The following CCDC171 variants were observed in gnomAD, a reference collection of about 807,000 sequenced individuals.
CCDC171 encodes coiled-coil domain containing 171, also known as coiled-coil domain-containing protein 171.
CCDC171 carries 177 observed loss-of-function variants against 168.2 expected under a neutral mutation model. That is an observed-to-expected ratio of 1.05 (90% confidence interval 0.93 to 1.19). The LOEUF is 1.19. Among genes scored for constraint, CCDC171 ranks in the 50% most tolerant of loss-of-function variants. The probability of loss-of-function intolerance (pLI) is 0.00; values close to 1 mark genes in which losing one functional copy is unlikely to be tolerated. For missense variants in CCDC171, 1,991 were observed against 1,539.0 expected, an observed-to-expected ratio of 1.29 and a Z score of -4.91; for synonymous variants, 687 against 540.8, an observed-to-expected ratio of 1.27 and a Z score of -3.75.
intron 1 of CCDC171, among the ~76,000 whole-genome samples, chr9:16,044,187 G>A (rs1833616764): frequency 6.6e-6 from 1 of 152,174 alleles, no homozygotes; most frequent in African/African-American, 2.4e-5. Context: ...GAGGCTGGGG[G>A]TGGTAGTGAA....
upstream of CCDC171, among the ~76,000 whole-genome samples, chr9:16,042,320 T>A (rs1477647988): frequency 6.6e-6 from 1 of 152,136 alleles, no homozygotes; most frequent in East Asian, 1.9e-4. Context: ...GAGAAAGCCC[T>A]TATGAAGAGG....
intron 24 of CCDC171, among the ~76,000 whole-genome samples, chr9:15,896,019 T>G (rs950891047): frequency 2.0e-5 from 3 of 152,058 alleles, no homozygotes; most frequent in Admixed American, 6.6e-5. Context: ...TCTCATTCTC[T>G]GATTATTTTG....
At chr9:15,575,338 T>TC (rs1268218865) in intron 3 of CCDC171, among the ~76,000 whole-genome samples, 4 of 152,026 alleles carry the variant, frequency 2.6e-5, no homozygotes, top group Admixed American at 2.6e-4. Flanking sequence ...CATGCTTGGC[T>TC]AATTTTTTGT....
the CCDC171 span, among the ~76,000 whole-genome samples, chr9:16,093,137 T>C: frequency 1.3e-5 from 2 of 152,208 alleles, no homozygotes; most frequent in Non-Finnish European, 2.9e-5. Context: ...ATATAGCCAT[T>C]TTCTCGTCTC....
At chr9:15,920,881 A>T (rs942915967) in intron 25 of CCDC171, among the ~76,000 whole-genome samples, 3 of 151,672 alleles carry the variant, frequency 2.0e-5, no homozygotes, top group African/African-American at 7.2e-5. Context: ...TGATTCATCT[A>T]TATGATTAAA....
At chr9:15,596,527 A>G (rs1375753377) in intron 6 of CCDC171, among the ~76,000 whole-genome samples, 1 of 152,108 alleles carries the variant, frequency 6.6e-6, no homozygotes, top group Non-Finnish European at 1.5e-5. Context: ...TACCAGTACC[A>G]TGCTGTTTTG....
intron 6 of CCDC171, among the ~76,000 whole-genome samples, chr9:16,027,752 C>T (rs573422897): frequency 9.2e-5 from 14 of 152,206 alleles, no homozygotes; most frequent in East Asian, 1.9e-4. Context: ...CAGTCAAGGG[C>T]GAACAGGGAC....
intron 6 of CCDC171, among the ~76,000 whole-genome samples, chr9:15,615,582 A>T (rs1038743648): frequency 6.6e-6 from 1 of 152,214 alleles, no homozygotes; most frequent in Non-Finnish European, 1.5e-5. Flanking sequence ...GCAGTAATAT[A>T]GTAATATATC....
At chr9:15,589,147 A>G (rs532614456) in intron 4 of CCDC171, among the ~76,000 whole-genome samples, 1 of 151,884 alleles carries the variant, frequency 6.6e-6, no homozygotes, top group Non-Finnish European at 1.5e-5. Context: ...GTTTTGAGAG[A>G]CTTCTTCTTG....
intron 11 of CCDC171, among the ~76,000 whole-genome samples, chr9:15,700,375 C>G (rs1031766393): frequency 7.9e-5 from 12 of 152,254 alleles, no homozygotes; most frequent in African/African-American, 2.4e-4. Context: ...GGAACTCCAG[C>G]TGGCCTGCAA....
chr9:16,014,557 T>C (rs1832960799), intron 3 of CCDC171, among the ~76,000 whole-genome samples: 1 of 152,184 alleles, frequency 6.6e-6, no homozygotes, highest in Admixed American at 6.5e-5. Context: ...ATCAGGGGAA[T>C]CACCATCTAT....
rs1323970080 is a variant in CCDC171 at position 15,744,655 on chromosome 9, C to T, written c.2432C>T (p.Ala811Val). 2 of 1,614,020 alleles carry T rather than the reference C, an allele frequency of 1.2e-6. No homozygotes were observed. The highest frequency in any genetic ancestry group is 2.2e-5 in the South Asian group (2 of 91,086). Residue 811 changes from alanine to valine, a missense_variant, in exon 17 of 26, where the codon GCA becomes GTA. Physicochemically the swap from Ala to Val is moderately conservative, Grantham distance 64 (BLOSUM62 0). Coordinates refer to ENST00000380701, the MANE Select transcript of CCDC171 (RefSeq NM_173550.4). Reference protein sequence around the residue: ...FRKGVIAVLAANRLKILGQSC... With the variant: ...FRKGVIAVLAVNRLKILGQSC... ...AAAGGTGTTATTGCTGTTTTGGCAG[C>T]AAACAGACTCAAGATTTTGGGCCAA...
intron 25 of CCDC171, among the ~76,000 whole-genome samples, chr9:15,940,066 C>G (rs772853141): frequency 2.6e-4 from 40 of 151,898 alleles, no homozygotes; most frequent in Non-Finnish European, 5.4e-4. Context: ...TTTGGCACTA[C>G]TTGGTACAGA....
chr9:16,064,052 C>T (rs1441114904), downstream of CCDC171, among the ~76,000 whole-genome samples: 2 of 152,176 alleles, frequency 1.3e-5, no homozygotes, highest in Non-Finnish European at 2.9e-5. Flanking sequence ...ATTTGCCTGC[C>T]CCAGTTTCCC....
the CCDC171 span, among the ~76,000 whole-genome samples, chr9:16,106,347 C>T: frequency 7.2e-5 from 11 of 152,180 alleles, no homozygotes; most frequent in Non-Finnish European, 1.2e-4. Flanking sequence ...CTGCGCCCCT[C>T]GCACAGCATG....
chr9:15,765,842 G>T (rs1269984750), intron 18 of CCDC171, among the ~76,000 whole-genome samples: 1 of 152,060 alleles, frequency 6.6e-6, no homozygotes, highest in Non-Finnish European at 1.5e-5. Context: ...ATAATTGTTG[G>T]GAGAAAATTC....
chr9:15,557,688 G>C (rs968856814), intron 1 of CCDC171, among the ~76,000 whole-genome samples: 1 of 152,128 alleles, frequency 6.6e-6, no homozygotes. Context: ...TGCAAACAAG[G>C]ACAATTTGAC....
chr9:15,871,252 G>C (rs1191472058), intron 23 of CCDC171, among the ~76,000 whole-genome samples: 1 of 151,594 alleles, frequency 6.6e-6, no homozygotes, highest in Non-Finnish European at 1.5e-5. Context: ...TGAGCTGTTA[G>C]GCGTTTTGAA....
At chr9:15,990,455 C>A (rs1228745054) in intron 3 of CCDC171, among the ~76,000 whole-genome samples, 1 of 152,178 alleles carries the variant, frequency 6.6e-6, no homozygotes, top group African/African-American at 2.4e-5. Context: ...CAACCAGTAC[C>A]AGCCACTGCA....
Sources: gnomAD v4.1 joint callset for allele counts (sites outside exome capture counted in the v4.1 genomes callset) on GRCh38, gnomAD v4.1.1 for gene constraint, MANE v1.5 for transcripts, NCBI Gene and HGNC (gene_info 2026-07-23, HGNC 2026-07-21) for gene names.